The following GSK3B variants were observed in gnomAD, a reference collection of about 807,000 sequenced individuals.
The protein encoded by GSK3B is glycogen synthase kinase 3 beta, also known as glycogen synthase kinase-3 beta.
GSK3B carries 15 observed loss-of-function variants against 56.4 expected under a neutral mutation model. That is an observed-to-expected ratio of 0.27 (90% CI 0.18 to 0.41). The LOEUF (loss-of-function observed/expected upper bound fraction) is 0.41. Ranked by LOEUF, GSK3B falls within the 10% of genes least tolerant of loss-of-function variation. The probability of loss-of-function intolerance (pLI) is 1.00; values close to 1 mark genes in which losing one functional copy is unlikely to be tolerated. For missense variants in GSK3B, 300 were observed against 513.4 expected, an observed-to-expected ratio of 0.58 and a Z score of 4.02; for synonymous variants, 181 against 188.9, an observed-to-expected ratio of 0.96 and a Z score of 0.34.
intron 2 of GSK3B, among the ~76,000 whole-genome samples, chr3:119,967,637 T>TC (rs944151919): frequency 1.3e-5 from 2 of 152,194 alleles, no homozygotes; most frequent in African/African-American, 4.8e-5. Context: ...CACAATTCTA[T>TC]AACAAAAGAA....
chr3:120,062,115 T>C (rs1421686246), intron 1 of GSK3B, among the ~76,000 whole-genome samples: 2 of 152,218 alleles, frequency 1.3e-5, no homozygotes, highest in Non-Finnish European at 2.9e-5. Flanking sequence ...TTTTTAACAA[T>C]TTGGGGAACA....
At chr3:120,083,812 C>T (rs2058441614) in intron 1 of GSK3B, among the ~76,000 whole-genome samples, 2 of 152,114 alleles carry the variant, frequency 1.3e-5, no homozygotes, top group African/African-American at 4.8e-5. Context: ...AAATGTTATT[C>T]AGCAATAAAA....
chr3:119,832,991 G>T (rs1378249574), intron 10 of GSK3B: 29 of 983,658 alleles, frequency 2.9e-5, no homozygotes, highest in Non-Finnish European at 3.3e-5. Context: ...CAAGAGATCT[G>T]TAAGAGTTGG....
Position 119,918,131 on chromosome 3 carries a change from T to C in GSK3B, c.478-1957A>G, listed in dbSNP as rs559999405. Among the ~76,000 whole-genome samples, 32 of 152,258 alleles carry C rather than the reference T, an allele frequency of 2.1e-4. No homozygotes were observed. The South Asian group carries it at 6.2e-3, about 30-fold the overall frequency. ...TTCTCTTTCAATTACTATTTATGTA[T>C]TTTGCCATATTTTATTAAATAAAGG... On this transcript the variant is annotated intron_variant, in intron 4 of 10. Coordinates refer to ENST00000264235, the MANE Select transcript of GSK3B (RefSeq NM_001146156.2).
chr3:119,863,012 C>G (rs1170964895), intron 9 of GSK3B, among the ~76,000 whole-genome samples: 1 of 152,164 alleles, frequency 6.6e-6, no homozygotes, highest in Non-Finnish European at 1.5e-5. Flanking sequence ...TGAATTTACA[C>G]AAATATAGCC....
At chr3:119,976,640 C>T (rs2057410491) in intron 2 of GSK3B, among the ~76,000 whole-genome samples, 2 of 151,704 alleles carry the variant, frequency 1.3e-5, no homozygotes, top group African/African-American at 4.8e-5. Context: ...GTGATAGTTG[C>T]CTAACTCTGT....
At chr3:120,043,855 C>T (rs2058082251) in intron 1 of GSK3B, among the ~76,000 whole-genome samples, 1 of 152,214 alleles carries the variant, frequency 6.6e-6, no homozygotes, top group Non-Finnish European at 1.5e-5. Context: ...AACCTCCCTC[C>T]TCCTTCTCCA....
In GSK3B at chr3:120,062,400, T is replaced by C. The variant is rs561658980; in HGVS notation, c.88+30947A>G. Among the ~76,000 whole-genome samples, 8 of 152,322 alleles carry C rather than the reference T, an allele frequency of 5.3e-5. No homozygotes were observed. In the South Asian group the frequency reaches 1.2e-3, roughly 24 times the overall value. On this transcript the variant is annotated intron_variant, in intron 1 of 10. Transcript: ENST00000264235. Reference sequence around the variant, plus strand: ...CTCTGAACTTAGTATCTCCCACTAATATTTAAAGATAAAACACTAATACCA... The same window carrying C: ...CTCTGAACTTAGTATCTCCCACTAACATTTAAAGATAAAACACTAATACCA...
At chr3:119,908,243 T>C (rs2056701961) in intron 6 of GSK3B, among the ~76,000 whole-genome samples, 1 of 152,180 alleles carries the variant, frequency 6.6e-6, no homozygotes, top group Non-Finnish European at 1.5e-5. Context: ...TGTGTTAACT[T>C]TTTGAGAACA....
intron 2 of GSK3B, among the ~76,000 whole-genome samples, chr3:119,956,881 G>C (rs2057219573): frequency 6.6e-6 from 1 of 152,208 alleles, no homozygotes; most frequent in African/African-American, 2.4e-5. Flanking sequence ...TAAAGGACCA[G>C]ACACTAAATT....
At chr3:119,843,912 A>G (rs1006192651) in intron 9 of GSK3B, among the ~76,000 whole-genome samples, 1 of 152,154 alleles carries the variant, frequency 6.6e-6, no homozygotes, top group African/African-American at 2.4e-5. Flanking sequence ...AAAATCGACC[A>G]CATAATTGGA....
At chr3:119,837,386 C>T (rs1011618407) in intron 10 of GSK3B, among the ~76,000 whole-genome samples, 2 of 150,332 alleles carry the variant, frequency 1.3e-5, no homozygotes, top group Non-Finnish European at 3.0e-5. Flanking sequence ...AGGATGGTCT[C>T]GATCTCTTGA....
chr3:119,928,612 TAAAAAAAAAAAA>T (rs1160252679), intron 3 of GSK3B, among the ~76,000 whole-genome samples: 1 of 67,036 alleles, frequency 1.5e-5, no homozygotes, highest in Non-Finnish European at 3.0e-5. Flanking sequence ...ATCAAAAAAA[TAAAAAAAAAAAA>T]AAAAAAAAAA....
chr3:119,926,829 C>G (rs1559839922), intron 3 of GSK3B, among the ~76,000 whole-genome samples: 1 of 152,140 alleles, frequency 6.6e-6, no homozygotes, highest in Non-Finnish European at 1.5e-5. Flanking sequence ...TGTCTCAACT[C>G]CTTCAAAATC....
In GSK3B at chr3:119,824,482, T is replaced by A. The variant is rs2107989523; in HGVS notation, c.*2306A>T. On this transcript the variant is annotated 3_prime_UTR_variant, in exon 11 of 11. Transcript: ENST00000264235. ...TATGGACTCTGGGGAGTATACCACGTCCAGAGCAGTGTCTGCATCCAAACG... is the reference window on the plus strand; with the variant it reads ...TATGGACTCTGGGGAGTATACCACGACCAGAGCAGTGTCTGCATCCAAACG... 1 of 215,770 alleles carries A rather than the reference T, an allele frequency of 4.6e-6. No homozygotes were observed. Among genetic ancestry groups the A allele is most frequent in the East Asian group, 6.8e-5 (1 of 14,704 alleles). 13.4% of individuals were successfully genotyped at this position (215,770 alleles called of 1,614,324 possible).
intron 9 of GSK3B, among the ~76,000 whole-genome samples, chr3:119,862,525 A>AAT (rs2056119853): frequency 1.2e-4 from 1 of 8,682 alleles, no homozygotes; most frequent in African/African-American, 1.4e-4. Context: ...AGAGTATAAT[A>AAT]AAAAAAAAAA....
Position 119,967,283 on chromosome 3 carries a change from G to A in GSK3B, c.283-19932C>T, listed in dbSNP as rs529623016. Among the ~76,000 whole-genome samples, 10 of 152,144 alleles carry A rather than the reference G, an allele frequency of 6.6e-5. No individual in the cohort carries two copies. The East Asian group carries it at 1.9e-3, about 29-fold the overall frequency. On this transcript the variant is annotated intron_variant, in intron 2 of 10. Coordinates refer to ENST00000264235, the MANE Select transcript of GSK3B (RefSeq NM_001146156.2). Reference sequence around the variant, plus strand: ...AGTAGAGACGGAGTTTCACTATGTTGGCCAGGCTGGTCTCAAACTCCTGAT... The same window carrying A: ...AGTAGAGACGGAGTTTCACTATGTTAGCCAGGCTGGTCTCAAACTCCTGAT...
chr3:120,058,983 C>T lies in GSK3B; in HGVS notation c.88+34364G>A, dbSNP rs2058214720. 2.0e-5 allele frequency among the ~76,000 whole-genome samples: 3 copies of T among 148,676 alleles called. No individual in the cohort carries two copies. The South Asian group carries it at 6.4e-4, about 31-fold the overall frequency. ...CAAGATCACGCCATTGCACTCCAGCCTGAGTGGCAGAGCAAGACTCTGTCT... is the reference window on the plus strand; with the variant it reads ...CAAGATCACGCCATTGCACTCCAGCTTGAGTGGCAGAGCAAGACTCTGTCT... On this transcript the variant is annotated intron_variant, in intron 1 of 10. Transcript: ENST00000264235.
intron 2 of GSK3B, among the ~76,000 whole-genome samples, chr3:119,995,351 T>C (rs948744826): frequency 1.3e-5 from 2 of 151,552 alleles, no homozygotes; most frequent in African/African-American, 4.8e-5. Flanking sequence ...AAAAATAATA[T>C]ATATAGAGAG....
Sources: gnomAD v4.1 joint callset for allele counts (sites outside exome capture counted in the v4.1 genomes callset) on GRCh38, gnomAD v4.1.1 for gene constraint, MANE v1.5 for transcripts, NCBI Gene and HGNC (gene_info 2026-07-23, HGNC 2026-07-21) for gene names.